UGT1A6: variants seen among roughly 807,000 people sequenced by gnomAD.
UGT1A6 encodes UDP-glucuronosyltransferase 1A6.
A neutral mutation model predicts 44.4 loss-of-function variants in UGT1A6; 32 were observed. The ratio of observed to expected loss-of-function variants is 0.72; its 90% CI spans 0.54 to 0.97. The LOEUF is 0.97. Among genes scored for constraint, UGT1A6 ranks in the 50% least tolerant of loss-of-function variants. UGT1A6 has a pLI of 0.00. For missense variants in UGT1A6, 685 were observed against 661.9 expected, an observed-to-expected ratio of 1.03 and a Z score of -0.38; for synonymous variants, 238 against 248.5, an observed-to-expected ratio of 0.96 and a Z score of 0.40.
intron 1 of UGT1A6, chr2:233,729,211 G>A (rs1212388025): frequency 6.2e-7 from 1 of 1,613,958 alleles, no homozygotes; most frequent in African/African-American, 1.3e-5. Flanking sequence ...GGCTGAGAGT[G>A]GAAAGGTGTT....
Position 233,747,869 on chromosome 2 carries a change from C to T in UGT1A6, c.862-19165C>T, listed in dbSNP as rs1693798150. The T allele has an allele frequency of 2.5e-6, 4 of 1,613,468 alleles. No individual in the cohort carries two copies. In the Admixed American group the frequency reaches 6.7e-5, roughly 27 times the overall value. Reference sequence around the variant, plus strand: ...TCAAGAACATGCTCTACCCTCTGGCCCTGTCCTACCTTTGCCATGCTCTTT... The same window carrying T: ...TCAAGAACATGCTCTACCCTCTGGCTCTGTCCTACCTTTGCCATGCTCTTT... On this transcript the variant is annotated intron_variant, in intron 1 of 4. Coordinates refer to ENST00000305139, the MANE Select transcript of UGT1A6 (RefSeq NM_001072.4).
chr2:233,718,788 G>A, intron 1 of UGT1A6: 1 of 1,613,102 alleles, frequency 6.2e-7, no homozygotes, highest in Non-Finnish European at 8.5e-7. Context: ...ACAGCGTGGG[G>A]TGGACAGTCA....
chr2:233,743,698 C>T (rs368889261), intron 1 of UGT1A6: 29 of 1,367,192 alleles, frequency 2.1e-5, no homozygotes, highest in Middle Eastern at 2.1e-4. Context: ...AGCCGCCCTC[C>T]GCCCCCGCCT....
rs574132609 is a variant in UGT1A6, at chr2:233,741,478, G to A, written c.862-25556G>A. The A allele has an allele frequency of 8.6e-5, 13 of 151,780 alleles. 2 individuals carry two copies. Among genetic ancestry groups the A allele is most frequent in the African/African-American group, 2.4e-4 (10 of 41,054 alleles). The allele number at this position is 151,780 out of a possible 1,614,324, so 9.4% of individuals were successfully genotyped here. A position where few individuals can be genotyped will look rare whatever the true frequency, so the allele number is the denominator to read the frequency against. ...TATCTTCACACATGTAAGTTCCCTCGTCTGATGTACAAAAAACTGAACTCA... is the reference window on the plus strand; with the variant it reads ...TATCTTCACACATGTAAGTTCCCTCATCTGATGTACAAAAAACTGAACTCA... On this transcript the variant is annotated intron_variant, in intron 1 of 4. Transcript: ENST00000305139.
At chr2:233,756,273 T>C (rs976483084) in intron 1 of UGT1A6, 1 of 152,230 alleles carries the variant, frequency 6.6e-6, no homozygotes. Context: ...TCAAGCTCCT[T>C]TTATAAAATG....
At chr2:233,735,234 CTTG>C (rs1328873988) in intron 1 of UGT1A6, among the ~76,000 whole-genome samples, 2 of 152,132 alleles carry the variant, frequency 1.3e-5, no homozygotes, top group African/African-American at 4.8e-5. Context: ...ATAGTTAGCT[CTTG>C]TTGTTGAATT....
chr2:233,772,754 T>C lies in UGT1A6; in HGVS notation c.*195T>C. On this transcript the variant is annotated 3_prime_UTR_variant, in exon 5 of 5. Transcript: ENST00000305139. ...GCTAGTCAGTAAAGATATTTGAATA[T>C]GTATCGTGCCCCCTCTGGTGTCTTT... 2 of 1,409,478 alleles carry C rather than the reference T, an allele frequency of 1.4e-6. No individual in the cohort carries two copies. Among genetic ancestry groups the C allele is most frequent in the Non-Finnish European group, 1.9e-6 (2 of 1,074,872 alleles). 87.3% of individuals were successfully genotyped at this position (1,409,478 alleles called of 1,614,324 possible).
rs761878719 is a variant in UGT1A6, at chr2:233,693,802, G to A, written c.798G>A (p.Pro266=). 25 of 1,613,988 alleles carry A rather than the reference G, an allele frequency of 1.5e-5. No homozygotes were observed. Among genetic ancestry groups the A allele is most frequent in the Admixed American group, 1.0e-4 (6 of 59,992 alleles). The change falls in exon 1 of 5, where the codon CCG becomes CCA. Residue 266 remains proline, a synonymous_variant. Transcript: ENST00000305139. ...RYDFVLEYPR[P]VMPNMVFIGG... ...ACTTTGTGCTTGAATATCCTAGGCCGGTCATGCCCAACATGGTCTTCATTG... is the reference window on the plus strand; with the variant it reads ...ACTTTGTGCTTGAATATCCTAGGCCAGTCATGCCCAACATGGTCTTCATTG...
upstream of UGT1A6, chr2:233,692,199 G>A (rs2075084120): frequency 6.6e-6 from 1 of 152,394 alleles, no homozygotes; most frequent in African/African-American, 2.4e-5. Context: ...TGAAGGTGTG[G>A]AGGGTGGGGC....
intron 1 of UGT1A6, among the ~76,000 whole-genome samples, chr2:233,706,158 T>C (rs781682241): frequency 2.0e-5 from 3 of 152,190 alleles, no homozygotes; most frequent in Non-Finnish European, 4.4e-5. Context: ...GAGAACCTTC[T>C]AAATGTGGAA....
At chr2:233,710,729 C>T (rs1236562894) in intron 1 of UGT1A6, among the ~76,000 whole-genome samples, 3 of 152,128 alleles carry the variant, frequency 2.0e-5, no homozygotes, top group Admixed American at 6.5e-5. Flanking sequence ...TAAAAAACAA[C>T]GTCTTTCAAG....
chr2:233,712,342 C>T (rs2076227848), intron 1 of UGT1A6, among the ~76,000 whole-genome samples: 1 of 152,212 alleles, frequency 6.6e-6, no homozygotes, highest in Admixed American at 6.5e-5. Context: ...CTGATCATCA[C>T]ATCTTGAGCT....
chr2:233,719,161 T>C, intron 1 of UGT1A6: 2 of 1,614,250 alleles, frequency 1.2e-6, no homozygotes, highest in Non-Finnish European at 1.7e-6. Flanking sequence ...TCTAGAAGTA[T>C]GGCAATTATG....
At chr2:233,724,144 C>T (rs2077176143) in intron 1 of UGT1A6, among the ~76,000 whole-genome samples, 1 of 124,228 alleles carries the variant, frequency 8.0e-6, no homozygotes, top group African/African-American at 3.6e-5. Flanking sequence ...GACGGGGCGG[C>T]TGGCCGGGTG....
intron 1 of UGT1A6, among the ~76,000 whole-genome samples, chr2:233,708,913 C>T (rs1033792363): frequency 6.6e-6 from 1 of 152,118 alleles, no homozygotes; most frequent in African/African-American, 2.4e-5. Context: ...TTAGGTATTG[C>T]TTGCTACAGA....
intron 1 of UGT1A6, among the ~76,000 whole-genome samples, chr2:233,731,284 C>CT (rs78127606): frequency 0.055 from 7,668 of 139,746 alleles, 279 homozygotes; most frequent in African/African-American, 0.086. Flanking sequence ...GTTTTTCTTT[C>CT]TTTTTTTTTT....
intron 1 of UGT1A6, among the ~76,000 whole-genome samples, chr2:233,744,197 G>A (rs540976533): frequency 1.3e-5 from 2 of 151,982 alleles, no homozygotes; most frequent in East Asian, 1.9e-4. Flanking sequence ...TCTCCAAAAA[G>A]GATGGGAAAA....
intron 1 of UGT1A6, among the ~76,000 whole-genome samples, chr2:233,724,261 G>T: frequency 1.0e-5 from 1 of 98,912 alleles, no homozygotes; most frequent in African/African-American, 4.1e-5. Context: ...CTCACCTCCC[G>T]GACGGGGCGG....
At chr2:233,756,974 T>C (rs1036999646) in intron 1 of UGT1A6, among the ~76,000 whole-genome samples, 2 of 151,942 alleles carry the variant, frequency 1.3e-5, no homozygotes, top group South Asian at 2.1e-4. Context: ...AAGCACGCAA[T>C]GAACAGTCAT....
Sources: gnomAD v4.1 joint callset for allele counts (sites outside exome capture counted in the v4.1 genomes callset) on GRCh38, gnomAD v4.1.1 for gene constraint, MANE v1.5 for transcripts, NCBI Gene and HGNC (gene_info 2026-07-23, HGNC 2026-07-21) for gene names.